TAGLN3: variants seen among roughly 807,000 people sequenced by gnomAD.
TAGLN3 encodes the protein transgelin-3.
Under a neutral mutation model 25.4 loss-of-function variants are expected in TAGLN3, and 12 were observed. The observed-to-expected ratio is 0.47, with a 90% confidence interval of 0.30 to 0.77. The LOEUF (loss-of-function observed/expected upper bound fraction) is 0.77. TAGLN3 is among the 30% of genes least tolerant of loss of function. TAGLN3 has a pLI of 0.06. For missense variants in TAGLN3, 218 were observed against 255.8 expected (o/e 0.85, Z 1.01); for synonymous variants, 96 against 94.8 (o/e 1.01, Z -0.08).
chr3:112,010,671 T>C (rs923495627), intron 3 of TAGLN3, among the ~76,000 whole-genome samples: 1 of 152,198 alleles, frequency 6.6e-6, no homozygotes, highest in African/African-American at 2.4e-5. Context: ...CAGCATTTTA[T>C]CCTTGTATTC....
intron 3 of TAGLN3, among the ~76,000 whole-genome samples, chr3:112,009,068 T>A (rs1017777093): frequency 1.3e-5 from 2 of 152,102 alleles, no homozygotes; most frequent in African/African-American, 4.8e-5. Context: ...AACAGCCAGA[T>A]CTTGTGTGAA....
At chr3:112,003,242 A>T (rs868297419) in intron 3 of TAGLN3, among the ~76,000 whole-genome samples, 1 of 152,128 alleles carries the variant, frequency 6.6e-6, no homozygotes. Context: ...GTCCAGGGAG[A>T]TTCATTATAA....
chr3:112,008,937 G>T (rs2072947918), intron 3 of TAGLN3, among the ~76,000 whole-genome samples: 1 of 152,178 alleles, frequency 6.6e-6, no homozygotes, highest in Non-Finnish European at 1.5e-5. Context: ...TGTGGTGCTG[G>T]CACCTGCTTC....
intron 3 of TAGLN3, among the ~76,000 whole-genome samples, chr3:112,007,296 C>A (rs903983420): frequency 6.6e-6 from 1 of 152,174 alleles, no homozygotes. Flanking sequence ...TTCACTCTTG[C>A]TGTTATACAT....
At chr3:112,000,982 C>A (rs775201267) in intron 3 of TAGLN3, 36 bp downstream of exon 3, 1 of 1,593,642 alleles carries the variant, frequency 6.3e-7, no homozygotes, top group African/African-American at 1.3e-5. Flanking sequence ...TTGTTCTTTT[C>A]TTCTCTCCTT....
intron 3 of TAGLN3, among the ~76,000 whole-genome samples, chr3:112,004,098 C>T (rs2072891373): frequency 1.3e-5 from 2 of 152,230 alleles, no homozygotes; most frequent in African/African-American, 4.8e-5. Context: ...GATAAAGCTA[C>T]TGAAGTCCCC....
intron 2 of TAGLN3, among the ~76,000 whole-genome samples, chr3:112,000,296 T>G (rs1008122255): frequency 2.0e-5 from 3 of 152,182 alleles, no homozygotes; most frequent in Non-Finnish European, 4.4e-5. Flanking sequence ...ATCCACTTCT[T>G]TTACACATTG....
intron 3 of TAGLN3, among the ~76,000 whole-genome samples, chr3:112,008,053 T>C (rs1047083963): frequency 6.6e-6 from 1 of 152,170 alleles, no homozygotes; most frequent in African/African-American, 2.4e-5. Context: ...CCTGAAGATA[T>C]GAATCACCCA....
At position 112,013,622 on chromosome 3, in the gene TAGLN3, T is replaced by C. The variant is rs1469376640; in HGVS notation, c.*71T>C. 6 of 1,603,974 alleles carry C rather than the reference T, an allele frequency of 3.7e-6. No individual in the cohort carries two copies. Among genetic ancestry groups the C allele is most frequent in the Non-Finnish European group, 5.1e-6 (6 of 1,173,394 alleles). ...ATGGTCTCTACGAAAAAGAAATAGT[T>C]AGTCACCTTCTGACCTTCTCCTCTT... On this transcript the variant is annotated 3_prime_UTR_variant, in exon 5 of 5. Transcript: ENST00000478951.
intron 3 of TAGLN3, among the ~76,000 whole-genome samples, chr3:112,005,995 G>A (rs2072913085): frequency 6.6e-6 from 1 of 151,304 alleles, no homozygotes; most frequent in East Asian, 1.9e-4. Flanking sequence ...TCCTGACCTC[G>A]TGATCCGCCC....
intron 3 of TAGLN3, among the ~76,000 whole-genome samples, chr3:112,004,867 G>T (rs1427616570): frequency 6.6e-6 from 1 of 152,104 alleles, no homozygotes; most frequent in African/African-American, 2.4e-5. Context: ...GGGCGGGGGA[G>T]GTTGCCTGAA....
intron 3 of TAGLN3, among the ~76,000 whole-genome samples, chr3:112,002,649 C>CG (rs1271213475): frequency 2.0e-5 from 3 of 150,286 alleles, no homozygotes; most frequent in Admixed American, 6.7e-5. Flanking sequence ...TGAGTCCCCC[C>CG]CCCACCCCAC....
intron 4 of TAGLN3, among the ~76,000 whole-genome samples, chr3:112,013,095 T>C (rs1027530024): frequency 2.8e-4 from 43 of 152,168 alleles, no homozygotes; most frequent in African/African-American, 8.7e-4. Flanking sequence ...AGGTAGCCAC[T>C]GATTCTGCCC....
chr3:112,003,158 G>T (rs1164940438), intron 3 of TAGLN3, among the ~76,000 whole-genome samples: 1 of 152,208 alleles, frequency 6.6e-6, no homozygotes, highest in East Asian at 1.9e-4. Flanking sequence ...CAATAGGAAA[G>T]CAGGTGCTTC....
intron 1 of TAGLN3, 152 bp downstream of exon 1, chr3:111,999,266 A>C: frequency 7.6e-6 from 6 of 794,348 alleles, no homozygotes; most frequent in Non-Finnish European, 1.2e-5. Context: ...CATTGGCTTC[A>C]TTGGCTCCTT....
At chr3:112,004,266 G>C (rs934404951) in intron 3 of TAGLN3, among the ~76,000 whole-genome samples, 3 of 152,238 alleles carry the variant, frequency 2.0e-5, no homozygotes, top group Non-Finnish European at 4.4e-5. Flanking sequence ...CCTGGAAAGG[G>C]CAGGGGTGGG....
chr3:112,004,208 CAG>C (rs61212024), intron 3 of TAGLN3, among the ~76,000 whole-genome samples: 48,199 of 152,002 alleles, frequency 0.32, 7,703 homozygotes, highest in East Asian at 0.46. Context: ...TCTTGGAAAA[CAG>C]AAGGTGAATG....
chr3:112,000,715 T>C lies in TAGLN3; in HGVS notation c.181-57T>C, dbSNP rs1203643298. On this transcript the variant is annotated intron_variant, in intron 2 of 4. Coordinates refer to ENST00000478951, the MANE Select transcript of TAGLN3 (RefSeq NM_001008272.2). ...CACGTGAGCAGGATTCACTTCTCAT[T>C]CTTGACCTGTAAATACAAAGGGAAA... The C allele has an allele frequency of 4.8e-5, 76 of 1,570,496 alleles. No homozygotes were observed. The Admixed American group carries it at 1.2e-3, about 25-fold the overall frequency.
chr3:112,000,258 A>G (rs917961858), intron 2 of TAGLN3, among the ~76,000 whole-genome samples: 9 of 152,130 alleles, frequency 5.9e-5, no homozygotes, highest in Admixed American at 2.6e-4. Context: ...CTTGGGTTAT[A>G]TATATATATC....
Sources: allele counts gnomAD v4.1 joint callset (sites outside exome capture counted in the v4.1 genomes callset), GRCh38; gene constraint gnomAD v4.1.1; transcripts MANE v1.5; gene names NCBI Gene and HGNC (gene_info 2026-07-23, HGNC 2026-07-21).